The following PRSS50 variants were observed in gnomAD, a reference collection of about 807,000 sequenced individuals.
PRSS50 encodes serine protease 50, also known as probable threonine protease PRSS50.
Under a neutral mutation model 34.2 loss-of-function variants are expected in PRSS50, and 23 were observed. That is an observed-to-expected ratio of 0.67 (90% CI 0.48 to 0.95). The LOEUF is 0.95. PRSS50 is among the 40% of genes least tolerant of loss of function. The pLI is 0.00. For synonymous variants in PRSS50, 224 were observed against 211.2 expected, an observed-to-expected ratio of 1.06 and a Z score of -0.53; for missense variants, 484 against 513.4, an observed-to-expected ratio of 0.94 and a Z score of 0.55.
At position 46,716,717 on chromosome 3, in the gene PRSS50, A is replaced by G. The variant is rs977804633; in HGVS notation, c.307+720T>C. 6.6e-6 allele frequency among the ~76,000 whole-genome samples: 1 copy of G among 152,234 alleles called. No individual in the cohort carries two copies. Among genetic ancestry groups the G allele is most frequent in the Admixed American group, 6.5e-5 (1 of 15,286 alleles). On this transcript the variant is annotated intron_variant, in intron 2 of 5. Coordinates refer to ENST00000315170, the MANE Select transcript of PRSS50 (RefSeq NM_013270.5). The surrounding 1 kb of genome is among the most constrained non-coding windows in gnomAD (Gnocchi z 4.4). ...TGCTCACTGCTGCAGCCGCTTTGGA[A>G]AACAATTTCTCTAGATTGAAGATGC...
chr3:46,716,832 T>C lies in PRSS50; in HGVS notation c.307+605A>G, dbSNP rs1700690042. The stretch of plus-strand genomic sequence containing the variant: ...GTAAGTGGGCCGTGACCAGCCTTTT[T>C]AAAGGATAACATAGGCAAGAAAACA... On this transcript the variant is annotated intron_variant, in intron 2 of 5. Transcript: ENST00000315170. The surrounding 1 kb of genome is among the most constrained non-coding windows in gnomAD (Gnocchi z 4.4). Among the ~76,000 whole-genome samples the C allele has an allele frequency of 6.6e-6, 1 of 152,214 alleles. No homozygotes were observed. Among genetic ancestry groups the C allele is most frequent in the South Asian group, 2.1e-4 (1 of 4,830 alleles).
At chr3:46,713,858 A>G (rs1700647483) in intron 4 of PRSS50, among the ~76,000 whole-genome samples, 1 of 152,176 alleles carries the variant, frequency 6.6e-6, no homozygotes, top group African/African-American at 2.4e-5. Context: ...AACACAGAAG[A>G]CTGCTCCCCC....
Position 46,717,854 on chromosome 3 carries a change from G to A in PRSS50, c.-30C>T. The stretch of plus-strand genomic sequence containing the variant: ...GGGTGGCAGCCGACTGCGTCTCTCC[G>A]GAAGGCGCTCCCAGTGCCGCCCCCA... On this transcript the variant is annotated 5_prime_UTR_variant, in exon 1 of 6. Transcript: ENST00000315170. This position sits in a 1 kb window ranked among gnomAD's most constrained non-coding sequence, Gnocchi z 4.5. The A allele has an allele frequency of 6.2e-6, 9 of 1,458,524 alleles. No individual in the cohort carries two copies. The highest frequency in any genetic ancestry group is 8.1e-6 in the Non-Finnish European group (9 of 1,106,828). The allele number at this position is 1,458,524 out of a possible 1,614,324, so 90.3% of individuals were successfully genotyped here.
At chr3:46,714,127 C>G in intron 4 of PRSS50, 91 bp downstream of exon 4, 1 of 1,490,068 alleles carries the variant, frequency 6.7e-7, no homozygotes, top group Non-Finnish European at 9.0e-7. Context: ...GGGGAAGGTG[C>G]CTCAGAAACA....
chr3:46,717,398 C>A lies in PRSS50; in HGVS notation c.307+39G>T. On this transcript the variant is annotated intron_variant, in intron 2 of 5. Transcript: ENST00000315170. This position sits in a 1 kb window ranked among gnomAD's most constrained non-coding sequence, Gnocchi z 4.5. ...CAAGGTCCTTAAGACTCCTCTGTCA[C>A]CCTCCTTGCCCCACGGAGTCTACAC... 1 of 1,603,568 alleles carries A rather than the reference C, an allele frequency of 6.2e-7. No individual in the cohort carries two copies. Among genetic ancestry groups the A allele is most frequent in the Non-Finnish European group, 8.5e-7 (1 of 1,172,442 alleles).
In PRSS50 at chr3:46,715,413, T is replaced by C; in HGVS notation, c.470+122A>G. ...TTTTCAGGACTCAGCCTCCACCTGC[T>C]TGGAGCCCAGATGAGGCTGGGGCTG... On this transcript the variant is annotated intron_variant, in intron 3 of 5. Transcript: ENST00000315170. This position sits in a 1 kb window ranked among gnomAD's most constrained non-coding sequence, Gnocchi z 5.2. 1 of 1,316,884 alleles carries C rather than the reference T, an allele frequency of 7.6e-7. No individual in the cohort carries two copies. Among genetic ancestry groups the C allele is most frequent in the Non-Finnish European group, 1.0e-6 (1 of 968,528 alleles). 81.6% of individuals were successfully genotyped at this position (1,316,884 alleles called of 1,614,324 possible).
chr3:46,715,942 C>G lies in PRSS50; in HGVS notation c.308-245G>C, dbSNP rs752610965. ...GCCCGGGCCCTAGAGCATCCCCAGC[C>G]GACCAGCCCAGTGTACCACTGGCCC... On this transcript the variant is annotated intron_variant, in intron 2 of 5. Transcript: ENST00000315170. The surrounding 1 kb of genome is among the most constrained non-coding windows in gnomAD (Gnocchi z 5.2). Among the ~76,000 whole-genome samples the G allele has an allele frequency of 9.2e-5, 14 of 152,190 alleles. No individual in the cohort carries two copies. Among genetic ancestry groups the G allele is most frequent in the Admixed American group, 7.9e-4 (12 of 15,280 alleles).
rs1236235952 is a variant in PRSS50, at chr3:46,717,341, GC to G, written c.307+95del. The stretch of plus-strand genomic sequence containing the variant: ...AAGGAGGCGCTCCTCTATCCTGCTC[GC>G]CCCCGTCCCTTCTGCTCCCCTAGCC... On this transcript the variant is annotated intron_variant, in intron 2 of 5. Coordinates refer to ENST00000315170, the MANE Select transcript of PRSS50 (RefSeq NM_013270.5). This position sits in a 1 kb window ranked among gnomAD's most constrained non-coding sequence, Gnocchi z 4.5. The G allele has an allele frequency of 1.7e-5, 23 of 1,383,936 alleles. No homozygotes were observed. The highest frequency in any genetic ancestry group is 1.2e-4 in the African/African-American group (8 of 69,292). 85.7% of individuals were successfully genotyped at this position (1,383,936 alleles called of 1,614,324 possible).
intron 5 of PRSS50, among the ~76,000 whole-genome samples, 196 bp downstream of exon 5, chr3:46,712,705 C>T (rs916640132): frequency 6.6e-6 from 1 of 150,382 alleles, no homozygotes; most frequent in African/African-American, 2.5e-5. Flanking sequence ...ACTCCTCTCA[C>T]CTCCAACAGC....
At position 46,717,820 on chromosome 3, in the gene PRSS50, C is replaced by T; in HGVS notation, c.5G>A (p.Gly2Asp). The T allele has an allele frequency of 6.6e-7, 1 of 1,517,842 alleles. No homozygotes were observed. The highest frequency in any genetic ancestry group is 8.8e-7 in the Non-Finnish European group (1 of 1,133,568). The allele number at this position is 1,517,842 out of a possible 1,614,324, so 94.0% of individuals were successfully genotyped here. The stretch of plus-strand genomic sequence containing the variant: ...GCGCGCGACGGTCTGGCACCAGCGA[C>T]CCATCCCGGGGTGGCAGCCGACTGC... M[G>D]RWCQTVARGQ... Residue 2 changes from glycine to aspartate, a missense_variant, in exon 1 of 6, where the codon GGT (glycine) becomes GAT (aspartate). By Grantham distance (94) the Gly-to-Asp change is moderately conservative (BLOSUM62 -1). Coordinates refer to ENST00000315170, the MANE Select transcript of PRSS50 (RefSeq NM_013270.5). This position sits in a 1 kb window ranked among gnomAD's most constrained non-coding sequence, Gnocchi z 4.5.
intron 5 of PRSS50, 52 bp from the exon 6 acceptor site, chr3:46,712,534 G>C (rs764990698): frequency 6.4e-7 from 1 of 1,554,024 alleles, no homozygotes; most frequent in Non-Finnish European, 8.9e-7. Flanking sequence ...CAAGGCCAGA[G>C]ACGACCCAGC....
In PRSS50 at chr3:46,716,437, A is replaced by T. The variant is rs546276510; in HGVS notation, c.308-740T>A. On this transcript the variant is annotated intron_variant, in intron 2 of 5. Transcript: ENST00000315170. This position sits in a 1 kb window ranked among gnomAD's most constrained non-coding sequence, Gnocchi z 4.4. ...CACCCAGCTAATTTTTTTATTTTTT[A>T]ATTTTTTGGAGAGATAGAGTCCCAC... Among the ~76,000 whole-genome samples, 6 of 152,138 alleles carry T rather than the reference A, an allele frequency of 3.9e-5. No individual in the cohort carries two copies. The highest frequency in any genetic ancestry group is 1.9e-4 in the East Asian group (1 of 5,184).
At chr3:46,712,865 C>G (rs1254506355) in intron 5 of PRSS50, 36 bp downstream of exon 5, 1 of 1,606,266 alleles carries the variant, frequency 6.2e-7, no homozygotes, top group South Asian at 1.1e-5. Context: ...CCCCCAGGTG[C>G]CCCTGAAGGG....
At chr3:46,713,147 T>G in intron 4 of PRSS50, 80 bp from the exon 5 acceptor site, 3 of 1,498,570 alleles carry the variant, frequency 2.0e-6, no homozygotes, top group Non-Finnish European at 1.8e-6. Context: ...CTCTCCACTG[T>G]TCCCCACGTC....
chr3:46,715,756 C>G lies in PRSS50; in HGVS notation c.308-59G>C. 1 of 1,501,344 alleles carries G rather than the reference C, an allele frequency of 6.7e-7. No individual in the cohort carries two copies. The highest frequency in any genetic ancestry group is 9.0e-7 in the Non-Finnish European group (1 of 1,114,578). The allele number at this position is 1,501,344 out of a possible 1,614,324, so 93.0% of individuals were successfully genotyped here. On this transcript the variant is annotated intron_variant, in intron 2 of 5. Coordinates refer to ENST00000315170, the MANE Select transcript of PRSS50 (RefSeq NM_013270.5). This position sits in a 1 kb window ranked among gnomAD's most constrained non-coding sequence, Gnocchi z 5.2. ...GATCTTTCCCTGTCCCTCCCCTCCC[C>G]CAGCCTGACCTCGTGCCTCTCCAGC...
intron 5 of PRSS50, 113 bp downstream of exon 5, chr3:46,712,788 C>T: frequency 1.7e-6 from 2 of 1,199,708 alleles, no homozygotes; most frequent in Non-Finnish European, 2.4e-6. Context: ...ATCCCAGAGT[C>T]CTGCCCACCC....
At chr3:46,713,115 T>C (rs1196551273) in intron 4 of PRSS50, 48 bp from the exon 5 acceptor site, 4 of 1,598,642 alleles carry the variant, frequency 2.5e-6, no homozygotes, top group Non-Finnish European at 3.4e-6. Flanking sequence ...CGCTGCCCAC[T>C]ACCGCCAGCC....
chr3:46,714,504 A>G lies in PRSS50; in HGVS notation c.471-3T>C, dbSNP rs1575472425. ...TCACTGAGTAGATAACATCACGCCT[A>G]GGGGGGCCGTGAGGGGAGGCCATGA... On this transcript the variant is annotated splice_polypyrimidine_tract_variant and splice_region_variant and intron_variant, in intron 3 of 5. Coordinates refer to ENST00000315170, the MANE Select transcript of PRSS50 (RefSeq NM_013270.5). 1 of 1,574,622 alleles carries G rather than the reference A, an allele frequency of 6.4e-7. No individual in the cohort carries two copies. Among genetic ancestry groups the G allele is most frequent in the African/African-American group, 1.3e-5 (1 of 74,268 alleles).
Position 46,717,344 on chromosome 3 carries a change from C to A in PRSS50, c.307+93G>T. On this transcript the variant is annotated intron_variant, in intron 2 of 5. Coordinates refer to ENST00000315170, the MANE Select transcript of PRSS50 (RefSeq NM_013270.5). The surrounding 1 kb of genome is among the most constrained non-coding windows in gnomAD (Gnocchi z 4.5). ...GAGGCGCTCCTCTATCCTGCTCGCCCCCGTCCCTTCTGCTCCCCTAGCCCC... is the reference window on the plus strand; with the variant it reads ...GAGGCGCTCCTCTATCCTGCTCGCCACCGTCCCTTCTGCTCCCCTAGCCCC... The A allele has an allele frequency of 7.0e-7, 1 of 1,426,038 alleles. No individual in the cohort carries two copies. The allele number at this position is 1,426,038 out of a possible 1,614,324, so 88.3% of individuals were successfully genotyped here.
Sources: gnomAD v4.1 joint callset for allele counts (sites outside exome capture counted in the v4.1 genomes callset) on GRCh38, gnomAD v4.1.1 for gene constraint, Gnocchi (gnomAD v3.1) non-coding constraint, MANE v1.5 for transcripts, NCBI Gene and HGNC (gene_info 2026-07-23, HGNC 2026-07-21) for gene names.